Variants in PGAP2 observed in about 807,000 individuals in gnomAD.
The protein encoded by PGAP2 is post-GPI attachment to proteins 2.
PGAP2 carries 21 observed loss-of-function variants against 33.2 expected under a neutral mutation model. That is an observed-to-expected ratio of 0.63 (90% confidence interval 0.45 to 0.91). The LOEUF (loss-of-function observed/expected upper bound fraction) is 0.91, where lower values mean the gene tolerates loss of function less well. Ranked by LOEUF, PGAP2 falls within the 40% of genes least tolerant of loss-of-function variation. PGAP2 has a pLI of 0.00. For synonymous variants in PGAP2, 161 were observed against 172.9 expected, an observed-to-expected ratio of 0.93 and a Z score of 0.54; for missense variants, 345 against 424.0, an observed-to-expected ratio of 0.81 and a Z score of 1.64.
intron 1 of PGAP2, among the ~76,000 whole-genome samples, chr11:3,800,180 C>T (rs1676043784): frequency 6.6e-6 from 1 of 152,190 alleles, no homozygotes; most frequent in African/African-American, 2.4e-5. Context: ...CACTCCCTTG[C>T]CTTTGCTGGA....
chr11:3,803,470 C>G (rs993914290), intron 1 of PGAP2, among the ~76,000 whole-genome samples: 1 of 151,826 alleles, frequency 6.6e-6, no homozygotes, highest in Non-Finnish European at 1.5e-5. Context: ...CTCTGTCACC[C>G]AGGCTGGAGT....
At chr11:3,817,240 C>T (rs1292094169) in intron 2 of PGAP2, 113 bp from the exon 3 acceptor site, 12 of 797,890 alleles carry the variant, frequency 1.5e-5, no homozygotes, top group Non-Finnish European at 2.5e-5. Context: ...CTTTTCTACC[C>T]TTTCTGCTCT....
chr11:3,797,740 C>T (rs1308802667), upstream of PGAP2: 3 of 1,353,792 alleles, frequency 2.2e-6, no homozygotes, highest in South Asian at 2.8e-5. Flanking sequence ...CGGGGAGGCA[C>T]AGGGTAGGAG....
intron 3 of PGAP2, chr11:3,822,811 T>C: frequency 1.5e-6 from 1 of 655,540 alleles, no homozygotes. Context: ...CCTGTCCCCA[T>C]CTAAACCCTT....
intron 2 of PGAP2, among the ~76,000 whole-genome samples, chr11:3,814,885 CTTCCCT>C (rs1215772630): frequency 2.1e-5 from 3 of 140,450 alleles, no homozygotes; most frequent in Non-Finnish European, 4.6e-5. Context: ...TCTTCCTTTC[CTTCCCT>C]TTCCCTTTCC....
intron 2 of PGAP2, among the ~76,000 whole-genome samples, chr11:3,816,675 G>A (rs1349453398): frequency 3.3e-5 from 5 of 152,216 alleles, no homozygotes. Context: ...TTTAGGATCA[G>A]GGTACCGCTG....
At chr11:3,822,940 AAG>A in intron 3 of PGAP2, 1 of 1,542,976 alleles carries the variant, frequency 6.5e-7, no homozygotes. Context: ...TCCAGGCATT[AAG>A]ATGGATGGTG....
intron 2 of PGAP2, among the ~76,000 whole-genome samples, chr11:3,813,110 C>T (rs2085960161): frequency 6.6e-6 from 1 of 152,206 alleles, no homozygotes; most frequent in Non-Finnish European, 1.5e-5. Context: ...TCTGGGTGCC[C>T]ACAGTTCCCT....
chr11:3,812,163 A>G (rs942631912), intron 2 of PGAP2, among the ~76,000 whole-genome samples: 5 of 152,204 alleles, frequency 3.3e-5, no homozygotes, highest in East Asian at 1.9e-4. Flanking sequence ...TAGGATATCA[A>G]AGTAAGTGGG....
chr11:3,822,280 C>T (rs916952754), intron 3 of PGAP2, among the ~76,000 whole-genome samples: 5 of 152,106 alleles, frequency 3.3e-5, no homozygotes, highest in South Asian at 2.1e-4. Context: ...AGGAGAATGG[C>T]GTGAACCCGG....
chr11:3,803,298 T>C (rs1034645180), intron 1 of PGAP2, among the ~76,000 whole-genome samples: 2 of 149,530 alleles, frequency 1.3e-5, no homozygotes, highest in Admixed American at 1.3e-4. Flanking sequence ...CGGCCCTGTT[T>C]TTTTTTTTTT....
At position 3,825,037 on chromosome 11, in the gene PGAP2, C is replaced by T; in HGVS notation, c.726C>T (p.Ser242=). 3.7e-6 allele frequency: 6 copies of T among 1,614,206 alleles called. No homozygotes were observed. In the South Asian group the frequency reaches 5.5e-5, roughly 15 times the overall value. ...TTCCCTAGGATCGCAAGTCCTACAG[C>T]TGGAAACAGCGGCTCTTCATCATCA... ...TVSQEDRKSY[S]WKQRLFIINF... is the part of the protein sequence containing the mutation. The change falls in exon 6 of 7, where the codon AGC becomes AGT. Residue 242 remains serine (S), a synonymous_variant. Coordinates refer to ENST00000278243, the MANE Select transcript of PGAP2 (RefSeq NM_014489.4).
chr11:3,797,835 G>T, exon 1 of PGAP2: 2 of 1,550,220 alleles, frequency 1.3e-6, no homozygotes, highest in Non-Finnish European at 1.7e-6. Context: ...TCTCGAAGTG[G>T]GCTTGTGAAT....
chr11:3,803,019 A>T (rs1431846912), intron 1 of PGAP2, among the ~76,000 whole-genome samples: 1 of 142,108 alleles, frequency 7.0e-6, no homozygotes, highest in Non-Finnish European at 1.5e-5. Flanking sequence ...TTGGAGACAG[A>T]GTCTCACTCT....
chr11:3,825,723 T>A lies in PGAP2; in HGVS notation c.*265T>A, dbSNP rs1319660571. ...GGCAGAGAGCTCCACCATTTGGTGC[T>A]AAAAAAAAAAACGTCCTGAGGTTCA... is the stretch of plus-strand genomic sequence containing the variant. On this transcript the variant is annotated 3_prime_UTR_variant, in exon 7 of 7. Coordinates refer to ENST00000278243, the MANE Select transcript of PGAP2 (RefSeq NM_014489.4). 1.6e-4 allele frequency: 33 copies of A among 208,242 alleles called. No individual in the cohort carries two copies. Among genetic ancestry groups the A allele is most frequent in the Non-Finnish European group, 2.7e-4 (28 of 102,558 alleles). The allele number at this position is 208,242 out of a possible 1,614,324, so 12.9% of individuals were successfully genotyped here. A position where few individuals can be genotyped will look rare whatever the true frequency, so the allele number is the denominator to read the frequency against.
intron 1 of PGAP2, among the ~76,000 whole-genome samples, chr11:3,810,074 G>A (rs3781615): frequency 0.61 from 92,544 of 152,168 alleles, 30,857 homozygotes; most frequent in East Asian, 0.79. Context: ...AACGTTCCAG[G>A]GATGGCTTTC....
At chr11:3,798,055 A>G in intron 1 of PGAP2, 3 of 1,519,926 alleles carry the variant, frequency 2.0e-6, no homozygotes, top group African/African-American at 1.4e-5. Flanking sequence ...CTCTGCCCGC[A>G]CTTCCCGCCC....
rs565313539 is a variant in PGAP2 at position 3,815,305 on chromosome 11, T to G, written c.166-2048T>G. 2.8e-5 allele frequency among the ~76,000 whole-genome samples: 4 copies of G among 142,262 alleles called. No homozygotes were observed. The East Asian group carries it at 7.8e-4, about 28-fold the overall frequency. 93.3% of individuals were successfully genotyped at this position (142,262 alleles called of 152,430 possible). ...AGTAATGAGGGGCCTTGAGTCTGTCTTCTTCTTTTTTTTTTTTTCTTGAGA... is the reference window on the plus strand; with the variant it reads ...AGTAATGAGGGGCCTTGAGTCTGTCGTCTTCTTTTTTTTTTTTTCTTGAGA... On this transcript the variant is annotated intron_variant, in intron 2 of 6. Coordinates refer to ENST00000278243, the MANE Select transcript of PGAP2 (RefSeq NM_014489.4).
chr11:3,817,712 T>G, intron 3 of PGAP2, 177 bp downstream of exon 3: 1 of 704,696 alleles, frequency 1.4e-6, no homozygotes, highest in Non-Finnish European at 2.6e-6. Context: ...TCAGAGAGAA[T>G]AGAATCACAG....
Sources: gnomAD v4.1 joint callset for allele counts (sites outside exome capture counted in the v4.1 genomes callset) on GRCh38, gnomAD v4.1.1 for gene constraint, MANE v1.5 for transcripts, NCBI Gene and HGNC (gene_info 2026-07-23, HGNC 2026-07-21) for gene names.